Variants in STARD13 observed in about 807,000 individuals in gnomAD.
The protein encoded by STARD13 is StAR related lipid transfer domain containing 13.
A neutral mutation model predicts 106.4 loss-of-function variants in STARD13; 62 were observed. That is an observed-to-expected ratio of 0.58 (90% CI 0.48 to 0.72). The LOEUF (loss-of-function observed/expected upper bound fraction) is 0.72. Ranked by LOEUF, STARD13 falls within the 30% of genes least tolerant of loss-of-function variation. STARD13 has a pLI of 0.00. For missense variants in STARD13, 1,387 were observed against 1,424.0 expected (o/e 0.97, Z 0.42); for synonymous variants, 565 against 553.0 (o/e 1.02, Z -0.31).
the STARD13 span, among the ~76,000 whole-genome samples, chr13:33,573,970 A>G: frequency 2.6e-5 from 4 of 152,206 alleles, no homozygotes; most frequent in African/African-American, 9.6e-5. Context: ...TTTCAGAGTT[A>G]CTAGCTAAAG....
chr13:33,325,264 A>C (rs2077761131), intron 1 of STARD13, among the ~76,000 whole-genome samples: 1 of 152,218 alleles, frequency 6.6e-6, no homozygotes, highest in Non-Finnish European at 1.5e-5. Context: ...TCTAGCCTTC[A>C]TCAAATCCTA....
At chr13:33,189,757 C>T (rs73179028) in intron 1 of STARD13, among the ~76,000 whole-genome samples, 122 of 151,970 alleles carry the variant, frequency 8.0e-4, no homozygotes, top group Non-Finnish European at 1.6e-3. Context: ...CAGTTACTCT[C>T]TCATGTACAA....
chr13:33,180,007 C>T (rs565472344), intron 1 of STARD13, among the ~76,000 whole-genome samples: 2 of 152,318 alleles, frequency 1.3e-5, no homozygotes, highest in Admixed American at 1.3e-4. Flanking sequence ...ACATGGCACC[C>T]ATCAACCTGC....
the STARD13 span, among the ~76,000 whole-genome samples, chr13:33,612,876 G>T: frequency 2.0e-5 from 3 of 152,168 alleles, no homozygotes; most frequent in African/African-American, 7.2e-5. Context: ...GGCTCATGTG[G>T]CCCCCCAGAT....
At chr13:33,134,137 C>T (rs1000868392) in intron 4 of STARD13, among the ~76,000 whole-genome samples, 13 of 152,170 alleles carry the variant, frequency 8.5e-5, no homozygotes, top group African/African-American at 3.1e-4. Flanking sequence ...AAAATAGGTT[C>T]CCACGTTGTG....
intron 1 of STARD13, among the ~76,000 whole-genome samples, chr13:33,321,481 G>C (rs1893557625): frequency 6.7e-6 from 1 of 149,008 alleles, no homozygotes; most frequent in Non-Finnish European, 1.5e-5. Flanking sequence ...ACTCCAGCCA[G>C]AGCAACAGAG....
chr13:33,314,334 G>A (rs1893250267), intron 1 of STARD13, among the ~76,000 whole-genome samples: 1 of 152,182 alleles, frequency 6.6e-6, no homozygotes, highest in African/African-American at 2.4e-5. Flanking sequence ...AACAGACAAA[G>A]CAGGCAAGAG....
intron 3 of STARD13, among the ~76,000 whole-genome samples, chr13:33,158,975 G>A (rs551435869): frequency 1.3e-5 from 2 of 152,262 alleles, no homozygotes; most frequent in South Asian, 4.2e-4. Context: ...GAGAATCTCA[G>A]TTCGCACACC....
intron 1 of STARD13, among the ~76,000 whole-genome samples, chr13:33,195,719 C>T (rs1886566369): frequency 1.3e-5 from 2 of 152,042 alleles, no homozygotes; most frequent in Admixed American, 6.6e-5. Flanking sequence ...TACCCCAAGC[C>T]CTAAGTGAAG....
chr13:33,165,784 C>T (rs915863555), intron 2 of STARD13, among the ~76,000 whole-genome samples: 7 of 152,216 alleles, frequency 4.6e-5, no homozygotes, highest in Non-Finnish European at 7.4e-5. Flanking sequence ...GATGGTTTCA[C>T]GAAATACTTA....
rs1053457270 is a variant in STARD13 at position 33,117,710 on chromosome 13, A to T, written c.2281+355T>A. 9.9e-6 allele frequency: 9 copies of T among 912,270 alleles called. No individual in the cohort carries two copies. In the Admixed American group the frequency reaches 2.5e-4, roughly 25 times the overall value. 56.5% of individuals were successfully genotyped at this position (912,270 alleles called of 1,614,324 possible). ...ATCCCAAAGAAATGCTTACTTTTTTAAAAAATTGAATAAGTTTTAATAAAT... is the reference window on the plus strand; with the variant it reads ...ATCCCAAAGAAATGCTTACTTTTTTTAAAAATTGAATAAGTTTTAATAAAT... On this transcript the variant is annotated intron_variant, in intron 8 of 13. Coordinates refer to ENST00000336934, the MANE Select transcript of STARD13 (RefSeq NM_178006.4).
chr13:33,326,547 T>C lies in STARD13; in HGVS notation c.124+23743A>G, dbSNP rs543145543. On this transcript the variant is annotated intron_variant, in intron 1 of 5. Transcript: ENST00000567873. ...TATTCAGAGCATCTGCTGAGTGATATAATGGTGTTTTCGAAGTGGGGTTCA... is the reference window on the plus strand; with the variant it reads ...TATTCAGAGCATCTGCTGAGTGATACAATGGTGTTTTCGAAGTGGGGTTCA... 3.3e-5 allele frequency among the ~76,000 whole-genome samples: 5 copies of C among 152,314 alleles called. No homozygotes were observed. The East Asian group carries it at 9.6e-4, about 29-fold the overall frequency.
chr13:33,113,007 C>T (rs985173348), intron 8 of STARD13, 76 bp from the exon 9 acceptor site: 1 of 1,145,148 alleles, frequency 8.7e-7, no homozygotes, highest in Non-Finnish European at 1.2e-6. Flanking sequence ...GTGTAAGCTC[C>T]ACATTCCTCG....
chr13:33,501,230 C>T, the STARD13 span, among the ~76,000 whole-genome samples: 4 of 151,802 alleles, frequency 2.6e-5, no homozygotes, highest in African/African-American at 7.3e-5. Flanking sequence ...GCACCCACTG[C>T]CACACCAGAC....
At chr13:33,323,442 G>A (rs1276230307) in intron 1 of STARD13, among the ~76,000 whole-genome samples, 2 of 152,058 alleles carry the variant, frequency 1.3e-5, no homozygotes, top group Non-Finnish European at 2.9e-5. Flanking sequence ...TCCCACAACT[G>A]TAATTAAATA....
the STARD13 span, among the ~76,000 whole-genome samples, chr13:33,448,617 C>A: frequency 6.6e-6 from 1 of 152,068 alleles, no homozygotes; most frequent in Non-Finnish European, 1.5e-5. Flanking sequence ...TGGATATATA[C>A]CCAGTAGTGG....
chr13:33,635,983 CAAAA>C, the STARD13 span, among the ~76,000 whole-genome samples: 3 of 151,154 alleles, frequency 2.0e-5, no homozygotes, highest in South Asian at 6.3e-4. Context: ...GACTCCATCT[CAAAA>C]AAACATTAGC....
At chr13:33,187,060 A>C (rs1885831592) in intron 1 of STARD13, among the ~76,000 whole-genome samples, 2 of 152,070 alleles carry the variant, frequency 1.3e-5, no homozygotes, top group African/African-American at 4.8e-5. Flanking sequence ...CTAATCTGGA[A>C]TTTTCTCTCC....
the STARD13 span, among the ~76,000 whole-genome samples, chr13:33,451,225 G>A: frequency 6.6e-6 from 1 of 152,204 alleles, no homozygotes; most frequent in Non-Finnish European, 1.5e-5. Context: ...TTATAGAAAA[G>A]AGTGGAAAGT....
Sources: allele counts gnomAD v4.1 joint callset (sites outside exome capture counted in the v4.1 genomes callset), GRCh38; gene constraint gnomAD v4.1.1; transcripts MANE v1.5; gene names NCBI Gene and HGNC (gene_info 2026-07-23, HGNC 2026-07-21).